The following UGT1A5 variants were observed in gnomAD, a reference collection of about 807,000 sequenced individuals.
UGT1A5 encodes UDP-glucuronosyltransferase 1A5.
In UGT1A5, 29 loss-of-function variants were observed where a neutral mutation model predicts 40.3. The ratio of observed to expected loss-of-function variants is 0.72; its 90% CI spans 0.54 to 0.98. UGT1A5 has a LOEUF of 0.98. Among genes scored for constraint, UGT1A5 ranks in the 50% least tolerant of loss-of-function variants. The pLI, the probability that UGT1A5 is intolerant of heterozygous loss-of-function variation, is 0.00. For synonymous variants in UGT1A5, 257 were observed against 262.5 expected (o/e 0.98, Z 0.20); for missense variants, 678 against 677.9 (o/e 1.00, Z 0.00).
intron 1 of UGT1A5, among the ~76,000 whole-genome samples, chr2:233,759,662 G>C (rs1697226515): frequency 1.6e-5 from 2 of 126,634 alleles, no homozygotes; most frequent in South Asian, 2.5e-4. Context: ...CTAAGTTCCT[G>C]CTCATGTGTT....
chr2:233,751,498 G>T (rs1694741950), intron 1 of UGT1A5, among the ~76,000 whole-genome samples: 1 of 152,208 alleles, frequency 6.6e-6, no homozygotes, highest in Non-Finnish European at 1.5e-5. Flanking sequence ...CATGAGATTT[G>T]GGAGGGGCCA....
chr2:233,718,173 A>G (rs143975074), intron 1 of UGT1A5: 25 of 238,454 alleles, frequency 1.0e-4, no homozygotes, highest in Admixed American at 2.8e-4. Flanking sequence ...TGATCATCAC[A>G]TCTTGAGCTC....
intron 1 of UGT1A5, among the ~76,000 whole-genome samples, chr2:233,745,089 C>T (rs542765504): frequency 6.6e-6 from 1 of 151,622 alleles, no homozygotes; most frequent in African/African-American, 2.4e-5. Context: ...ATTGCTCTTC[C>T]CCCCAAATAT....
chr2:233,731,619 C>CT (rs1415396682), intron 1 of UGT1A5, among the ~76,000 whole-genome samples: 1 of 152,134 alleles, frequency 6.6e-6, no homozygotes, highest in Non-Finnish European at 1.5e-5. Context: ...TGAACTCATC[C>CT]TTTTTTATGG....
At chr2:233,731,193 A>T (rs750244105) in intron 1 of UGT1A5, among the ~76,000 whole-genome samples, 1 of 152,062 alleles carries the variant, frequency 6.6e-6, no homozygotes, top group Admixed American at 6.6e-5. Context: ...TAATTATTCA[A>T]TTATAAAATA....
chr2:233,713,475 G>A lies in UGT1A5; in HGVS notation c.484G>A (p.Ala162Thr). Reference sequence around the variant, plus strand: ...CTTTCACCTCTGCGCGGCGGTGCTGGCTAAGTACCTGTCGATTCCTGCTGT... The same window carrying A: ...CTTTCACCTCTGCGCGGCGGTGCTGACTAAGTACCTGTCGATTCCTGCTGT... ...DPFHLCAAVL[A>T]KYLSIPAVFF... Residue 162 changes from alanine (A) to threonine (T), a missense_variant, in exon 1 of 5, where the codon GCT becomes ACT. Ala to Thr is a moderately conservative substitution (Grantham distance 58). Coordinates refer to ENST00000373414, the MANE Select transcript of UGT1A5 (RefSeq NM_019078.2). 6.2e-7 allele frequency: 1 copy of A among 1,614,044 alleles called. No individual in the cohort carries two copies. The highest frequency in any genetic ancestry group is 8.5e-7 in the Non-Finnish European group (1 of 1,179,960).
Position 233,772,824 on chromosome 2 carries a change from C to A in UGT1A5, c.*265C>A. On this transcript the variant is annotated 3_prime_UTR_variant, in exon 5 of 5. Coordinates refer to ENST00000373414, the MANE Select transcript of UGT1A5 (RefSeq NM_019078.2). ...ATTTTTCAGAGGACGTGCAGACAGG[C>A]TGGCATTCTAGATTACTTTTCTTAC... 3 of 955,748 alleles carry A rather than the reference C, an allele frequency of 3.1e-6. No individual in the cohort carries two copies. The highest frequency in any genetic ancestry group is 2.9e-6 in the Non-Finnish European group (2 of 693,186). 59.2% of individuals were successfully genotyped at this position (955,748 alleles called of 1,614,324 possible).
intron 3 of UGT1A5, 59 bp from the exon 4 acceptor site, chr2:233,768,161 T>G: frequency 1.2e-6 from 2 of 1,613,420 alleles, no homozygotes; most frequent in East Asian, 2.2e-5. Flanking sequence ...AACCTAGATG[T>G]GTCCAGCTGT....
At chr2:233,747,651 G>T (rs566750548) in intron 1 of UGT1A5, 4 of 1,588,612 alleles carry the variant, frequency 2.5e-6, no homozygotes, top group African/African-American at 2.7e-5. Flanking sequence ...TACTTCCTTC[G>T]ATGTGGTTTT....
At chr2:233,753,038 T>C (rs1254734461) in intron 1 of UGT1A5, among the ~76,000 whole-genome samples, 1 of 152,162 alleles carries the variant, frequency 6.6e-6, no homozygotes, top group Non-Finnish European at 1.5e-5. Flanking sequence ...AAAACTACCA[T>C]GAAACTGTTC....
intron 1 of UGT1A5, chr2:233,761,233 T>C: frequency 6.2e-7 from 1 of 1,613,114 alleles, no homozygotes; most frequent in Non-Finnish European, 8.5e-7. Context: ...CCCAGATATA[T>C]GCTGAGCAAG....
chr2:233,772,294 T>G lies in UGT1A5; in HGVS notation c.1340T>G (p.Leu447Arg). 6.2e-7 allele frequency: 1 copy of G among 1,614,228 alleles called. No individual in the cohort carries two copies. The highest frequency in any genetic ancestry group is 8.5e-7 in the Non-Finnish European group (1 of 1,180,042). The change falls in exon 5 of 5, where the codon CTT (leucine) becomes CGT (arginine). Residue 447 changes from leucine (L) to arginine (R), a missense_variant. By Grantham distance (102) the Leu-to-Arg change is moderately radical. Coordinates refer to ENST00000373414, the MANE Select transcript of UGT1A5 (RefSeq NM_019078.2). Reference protein sequence around the residue: ...YKENIMRLSSLHKDRPVEPLD... With the variant: ...YKENIMRLSSRHKDRPVEPLD... ...GAGAACATCATGCGCCTCTCCAGCC[T>G]TCACAAGGACCGCCCGGTGGAGCCG...
chr2:233,716,408 C>T (rs2076503557), intron 1 of UGT1A5, among the ~76,000 whole-genome samples: 2 of 152,112 alleles, frequency 1.3e-5, no homozygotes, highest in South Asian at 4.1e-4. Flanking sequence ...AAAGTGAAAC[C>T]CACATCTTAT....
intron 1 of UGT1A5, chr2:233,741,678 G>T (rs1691739427): frequency 1.3e-5 from 2 of 151,908 alleles, no homozygotes; most frequent in African/African-American, 4.9e-5. Context: ...TTTATTGCTT[G>T]GGTGCCATTA....
chr2:233,739,478 C>G (rs945148386), intron 1 of UGT1A5, among the ~76,000 whole-genome samples: 1 of 152,180 alleles, frequency 6.6e-6, no homozygotes, highest in African/African-American at 2.4e-5. Flanking sequence ...ACCGTGGGAG[C>G]CCATTTCTGG....
intron 1 of UGT1A5, among the ~76,000 whole-genome samples, chr2:233,725,264 G>GGAGGCA (rs551912265): frequency 0.04 from 2,355 of 58,498 alleles, 627 homozygotes; most frequent in African/African-American, 0.084. Flanking sequence ...CAGAGGCAGA[G>GGAGGCA]GAGGCAGAGG....
rs760907397 is a variant in UGT1A5 at position 233,761,080 on chromosome 2, C to G, written c.868-5954C>G. 1.2e-6 allele frequency: 2 copies of G among 1,614,034 alleles called. No individual in the cohort carries two copies. The highest frequency in any genetic ancestry group is 1.7e-6 in the Non-Finnish European group (2 of 1,180,026). On this transcript the variant is annotated intron_variant, in intron 1 of 4. Coordinates refer to ENST00000373414, the MANE Select transcript of UGT1A5 (RefSeq NM_019078.2). Reference sequence around the variant, plus strand: ...TAGAAGTGACTTTGTGAAGGATTACCCTAGGCCCATCATGCCCAATATGGT... The same window carrying G: ...TAGAAGTGACTTTGTGAAGGATTACGCTAGGCCCATCATGCCCAATATGGT...
intron 1 of UGT1A5, among the ~76,000 whole-genome samples, chr2:233,725,606 C>T (rs1199312835): frequency 2.0e-5 from 3 of 152,058 alleles, no homozygotes; most frequent in South Asian, 4.1e-4. Context: ...ATAGTTTTTT[C>T]TTGCTAAGTC....
intron 1 of UGT1A5, among the ~76,000 whole-genome samples, chr2:233,759,591 C>A (rs984696431): frequency 4.1e-5 from 6 of 147,100 alleles, no homozygotes; most frequent in East Asian, 4.1e-4. Context: ...GCACGCCCCC[C>A]ACCCCCGACC....
Sources: allele counts gnomAD v4.1 joint callset (sites outside exome capture counted in the v4.1 genomes callset), GRCh38; gene constraint gnomAD v4.1.1; transcripts MANE v1.5; gene names NCBI Gene and HGNC (gene_info 2026-07-23, HGNC 2026-07-21).